The following UBE3D variants were observed in gnomAD, a reference collection of about 807,000 sequenced individuals.
UBE3D encodes the protein ubiquitin protein ligase E3D.
UBE3D carries 48 observed loss-of-function variants against 49.6 expected under a neutral mutation model. That is an observed-to-expected ratio of 0.97 (90% confidence interval 0.77 to 1.23). The LOEUF is 1.23. Among genes scored for constraint, UBE3D ranks in the 50% most tolerant of loss-of-function variants. The pLI, the probability that UBE3D is intolerant of heterozygous loss-of-function variation, is 0.00. For synonymous variants in UBE3D, 189 were observed against 174.2 expected (o/e 1.08, Z -0.67); for missense variants, 452 against 468.4 (o/e 0.96, Z 0.32).
intron 8 of UBE3D, among the ~76,000 whole-genome samples, chr6:82,980,343 T>A (rs1245264374): frequency 2.0e-5 from 3 of 152,072 alleles, no homozygotes; most frequent in Non-Finnish European, 4.4e-5. Flanking sequence ...ATTAGTGATG[T>A]TAAGTATTTT....
intron 9 of UBE3D, among the ~76,000 whole-genome samples, chr6:82,954,885 C>T (rs1485066111): frequency 6.6e-6 from 1 of 152,122 alleles, no homozygotes; most frequent in Non-Finnish European, 1.5e-5. Context: ...TATAAGAATA[C>T]ATCTTTCCAG....
chr6:82,972,990 A>G (rs1411477164), intron 8 of UBE3D, among the ~76,000 whole-genome samples: 1 of 152,190 alleles, frequency 6.6e-6, no homozygotes, highest in African/African-American at 2.4e-5. Flanking sequence ...AGCTATATAA[A>G]TGAGAAGCTA....
chr6:83,000,737 C>T (rs977154198), intron 8 of UBE3D, among the ~76,000 whole-genome samples: 66 of 152,110 alleles, frequency 4.3e-4, no homozygotes, highest in African/African-American at 1.6e-3. Flanking sequence ...TTACAGCCAC[C>T]CTGACCTTCC....
chr6:82,953,177 C>T (rs918376001), intron 9 of UBE3D, among the ~76,000 whole-genome samples: 4 of 152,224 alleles, frequency 2.6e-5, no homozygotes, highest in Non-Finnish European at 4.4e-5. Flanking sequence ...CTGCAACTTG[C>T]CTCCTCCAGA....
At chr6:82,898,778 T>C (rs1771520572) in intron 9 of UBE3D, among the ~76,000 whole-genome samples, 1 of 152,180 alleles carries the variant, frequency 6.6e-6, no homozygotes, top group Non-Finnish European at 1.5e-5. Flanking sequence ...TATGCCTATG[T>C]AACAAAACTG....
At chr6:82,964,408 C>G (rs1164343915) in intron 8 of UBE3D, among the ~76,000 whole-genome samples, 1 of 151,956 alleles carries the variant, frequency 6.6e-6, no homozygotes, top group Non-Finnish European at 1.5e-5. Flanking sequence ...TAAAAGGAAT[C>G]CAAAATATTA....
chr6:83,008,325 C>T (rs1023774708), intron 8 of UBE3D, among the ~76,000 whole-genome samples: 1 of 152,112 alleles, frequency 6.6e-6, no homozygotes, highest in African/African-American at 2.4e-5. Context: ...ACTTAAACTA[C>T]AGAAGTTAAT....
chr6:82,889,580 C>G (rs1356264044), downstream of UBE3D, among the ~76,000 whole-genome samples: 1 of 151,930 alleles, frequency 6.6e-6, no homozygotes, highest in African/African-American at 2.4e-5. Flanking sequence ...ATATATGGTA[C>G]TATACAGTAT....
At chr6:83,012,846 T>C (rs1780439857) in intron 8 of UBE3D, among the ~76,000 whole-genome samples, 1 of 152,230 alleles carries the variant, frequency 6.6e-6, no homozygotes, top group Admixed American at 6.5e-5. Context: ...GTTCCCTTCA[T>C]TGCTGTCATT....
chr6:83,051,922 A>G (rs1404369358), intron 3 of UBE3D, among the ~76,000 whole-genome samples: 2 of 152,250 alleles, frequency 1.3e-5, no homozygotes, highest in Non-Finnish European at 2.9e-5. Context: ...AGAGGTTGGT[A>G]GAAGGCCAAA....
chr6:82,985,370 T>C (rs1267346380), intron 8 of UBE3D, among the ~76,000 whole-genome samples: 4 of 152,068 alleles, frequency 2.6e-5, no homozygotes, highest in African/African-American at 9.7e-5. Context: ...TGTTTTGTTT[T>C]GTTTTGTTTT....
intron 9 of UBE3D, among the ~76,000 whole-genome samples, chr6:82,955,912 C>T (rs569632481): frequency 5.3e-5 from 8 of 152,270 alleles, no homozygotes; most frequent in Non-Finnish European, 1.0e-4. Context: ...CTTTGAGACA[C>T]CAGGATTGGA....
chr6:83,043,569 A>G (rs1366434049), intron 4 of UBE3D, among the ~76,000 whole-genome samples: 1 of 152,152 alleles, frequency 6.6e-6, no homozygotes, highest in Admixed American at 6.5e-5. Flanking sequence ...TAGTTCTATA[A>G]ACTAATTTAC....
At chr6:83,029,528 T>C (rs564439226) in intron 5 of UBE3D, among the ~76,000 whole-genome samples, 16 of 152,368 alleles carry the variant, frequency 1.1e-4, no homozygotes, top group Middle Eastern at 3.4e-3. Flanking sequence ...ATATTTATAA[T>C]AGCTGCTTCC....
At chr6:82,890,573 ATG>A (rs567791056), downstream of UBE3D, among the ~76,000 whole-genome samples, 15 of 152,280 alleles carry the variant, frequency 9.9e-5, no homozygotes, top group South Asian at 3.1e-3. Context: ...CTTTGTGTGC[ATG>A]TGTGTGTTGC....
intron 9 of UBE3D, among the ~76,000 whole-genome samples, chr6:82,895,846 A>C (rs1482731641): frequency 6.6e-6 from 1 of 152,234 alleles, no homozygotes. Flanking sequence ...AGAGACTTCC[A>C]ATCTTTGGTA....
chr6:82,895,614 C>T (rs565532423), intron 9 of UBE3D, among the ~76,000 whole-genome samples: 1 of 152,294 alleles, frequency 6.6e-6, no homozygotes, highest in South Asian at 2.1e-4. Context: ...ATTAAGCCTA[C>T]TTTGATTTTT....
At chr6:83,029,793 A>G (rs1486294755) in intron 5 of UBE3D, among the ~76,000 whole-genome samples, 2 of 152,174 alleles carry the variant, frequency 1.3e-5, no homozygotes, top group South Asian at 4.1e-4. Context: ...ATCTCCCCAC[A>G]GTATGTAGCC....
chr6:82,949,673 C>G (rs1041667336), intron 9 of UBE3D, among the ~76,000 whole-genome samples: 11 of 151,978 alleles, frequency 7.2e-5, no homozygotes, highest in African/African-American at 2.7e-4. Flanking sequence ...GACACACAGA[C>G]CAATGGAATA....
Sources: gnomAD v4.1 joint callset for allele counts (sites outside exome capture counted in the v4.1 genomes callset) on GRCh38, gnomAD v4.1.1 for gene constraint, MANE v1.5 for transcripts, NCBI Gene and HGNC (gene_info 2026-07-23, HGNC 2026-07-21) for gene names.